SYNE1: variants seen among roughly 807,000 people sequenced by gnomAD.
SYNE1 encodes spectrin repeat containing nuclear envelope protein 1.
Under a neutral mutation model 1,111.0 loss-of-function variants are expected in SYNE1, and 616 were observed. The ratio of observed to expected loss-of-function variants is 0.55; its 90% CI spans 0.52 to 0.59. The LOEUF is 0.59. SYNE1 is among the 20% of genes least tolerant of loss of function. The pLI is 0.00. For synonymous variants in SYNE1, 3,855 were observed against 3,825.8 expected (o/e 1.01, Z -0.28); for missense variants, 10,006 against 10,417.0 (o/e 0.96, Z 1.72).
In SYNE1 at chr6:152,299,450, T is replaced by C. The variant is rs150220875; in HGVS notation, c.17682+1191A>G. Among the ~76,000 whole-genome samples, 36 of 152,320 alleles carry C rather than the reference T, an allele frequency of 2.4e-4. 1 individual carries two copies. The East Asian group carries it at 6.7e-3, about 29-fold the overall frequency. ...CTGTTTTTAGTTTCCTCTGATCACATTGTTATTATCTGTCCCATGTCTGCC... is the reference window on the plus strand; with the variant it reads ...CTGTTTTTAGTTTCCTCTGATCACACTGTTATTATCTGTCCCATGTCTGCC... On this transcript the variant is annotated intron_variant, in intron 93 of 145. Coordinates refer to ENST00000367255, the MANE Select transcript of SYNE1 (RefSeq NM_182961.4).
intron 128 of SYNE1, among the ~76,000 whole-genome samples, chr6:152,187,874 C>A (rs2635432): frequency 0.39 from 59,626 of 151,576 alleles, 11,909 homozygotes; most frequent in African/African-American, 0.47. Flanking sequence ...TACAGGCACC[C>A]GCCACCATCC....
chr6:152,581,954 A>T (rs911982319), intron 3 of SYNE1, among the ~76,000 whole-genome samples: 4 of 152,132 alleles, frequency 2.6e-5, no homozygotes, highest in African/African-American at 9.7e-5. Context: ...CCACCTTAAA[A>T]TGGGTTACCA....
chr6:152,221,663 T>C (rs2153466254), intron 117 of SYNE1, 104 bp from the exon 118 acceptor site: 3 of 1,437,946 alleles, frequency 2.1e-6, no homozygotes, highest in Middle Eastern at 1.8e-4. Context: ...TACATATACT[T>C]GTATAAACCA....
At chr6:152,431,073 T>C (rs2098424223) in intron 34 of SYNE1, among the ~76,000 whole-genome samples, 1 of 152,230 alleles carries the variant, frequency 6.6e-6, no homozygotes, top group African/African-American at 2.4e-5. Context: ...GGGGAAGCAT[T>C]GTGTTTCAGT....
rs1221150819 is a variant in SYNE1 at position 152,323,497 on chromosome 6, T to A, written c.15898A>T (p.Met5300Leu). The change falls in exon 82 of 146, where the codon ATG (methionine) becomes TTG (leucine). Residue 5300 changes from methionine to leucine, a missense_variant. Met to Leu is a conservative substitution (Grantham distance 15). This residue lies in a region of SYNE1 where 4,955 missense variants were observed against 5,017.2 expected (regional missense o/e 0.99). Coordinates refer to ENST00000367255, the MANE Select transcript of SYNE1 (RefSeq NM_182961.4). ...AATTACTTCAGGCACCGATCTTGCA[T>A]GGCGGTGATTTCCTGCATGAGCGGA... Reference protein sequence around the residue: ...EPPLMQEITAMQDRCLNMQEK... With the variant: ...EPPLMQEITALQDRCLNMQEK... 1.2e-6 allele frequency: 2 copies of A among 1,614,042 alleles called. No homozygotes were observed. Among genetic ancestry groups the A allele is most frequent in the Non-Finnish European group, 1.7e-6 (2 of 1,180,040 alleles).
At chr6:152,583,855 C>T (rs1358159541) in intron 3 of SYNE1, among the ~76,000 whole-genome samples, 1 of 152,174 alleles carries the variant, frequency 6.6e-6, no homozygotes, top group Non-Finnish European at 1.5e-5. Flanking sequence ...AGTAAAAAAG[C>T]AGGGATGGAC....
intron 81 of SYNE1, 82 bp from the exon 82 acceptor site, chr6:152,323,819 T>A: frequency 6.7e-7 from 1 of 1,486,722 alleles, no homozygotes; most frequent in Non-Finnish European, 9.3e-7. Context: ...AGCCACACAC[T>A]AGTGTATGAA....
At position 152,550,535 on chromosome 6, in the gene SYNE1, G is replaced by A. The variant is rs1463322504; in HGVS notation, c.68-10514C>T. Among the ~76,000 whole-genome samples, 2 of 151,144 alleles carry A rather than the reference G, an allele frequency of 1.3e-5. 1 individual carries two copies. The highest frequency in any genetic ancestry group is 3.9e-4 in the East Asian group (2 of 5,178). Reference sequence around the variant, plus strand: ...CAATGTGGAAATGCTTTCATCTCACGAAGAATTTGTCATCTCGTATGTATG... The same window carrying A: ...CAATGTGGAAATGCTTTCATCTCACAAAGAATTTGTCATCTCGTATGTATG... On this transcript the variant is annotated intron_variant, in intron 3 of 145. Transcript: ENST00000367255.
chr6:152,524,475 T>A (rs2099154331), intron 5 of SYNE1, among the ~76,000 whole-genome samples: 1 of 152,112 alleles, frequency 6.6e-6, no homozygotes, highest in African/African-American at 2.4e-5. Flanking sequence ...AGGATATATC[T>A]AAATGGCCAG....
intron 117 of SYNE1, among the ~76,000 whole-genome samples, chr6:152,224,129 G>T (rs1010650485): frequency 2.0e-5 from 3 of 152,142 alleles, no homozygotes; most frequent in African/African-American, 7.2e-5. Context: ...GTTTTCTTTT[G>T]AACATTCCTT....
chr6:152,493,989 C>CT (rs1251471465), intron 11 of SYNE1, among the ~76,000 whole-genome samples: 1 of 152,180 alleles, frequency 6.6e-6, no homozygotes, highest in Non-Finnish European at 1.5e-5. Flanking sequence ...CATCCCAACC[C>CT]TTTTCATTAC....
chr6:152,198,331 G>C (rs1406273565), intron 127 of SYNE1, among the ~76,000 whole-genome samples: 1 of 152,160 alleles, frequency 6.6e-6, no homozygotes, highest in Non-Finnish European at 1.5e-5. Context: ...TCCAGATTAG[G>C]CTTTGGCTTA....
intron 34 of SYNE1, among the ~76,000 whole-genome samples, chr6:152,431,549 A>T (rs1012604414): frequency 6.6e-6 from 1 of 152,226 alleles, no homozygotes; most frequent in Non-Finnish European, 1.5e-5. Context: ...TCTCACAAAC[A>T]TAGAAGCTTG....
intron 126 of SYNE1, among the ~76,000 whole-genome samples, chr6:152,203,102 AG>A (rs1302005118): frequency 2.0e-5 from 3 of 152,212 alleles, no homozygotes; most frequent in African/African-American, 4.8e-5. Flanking sequence ...ATGTTTTGAA[AG>A]GTTACACAGC....
Position 152,407,172 on chromosome 6 carries a change from T to G in SYNE1, c.6565A>C (p.Met2189Leu). Residue 2189 changes from methionine (M) to leucine (L), a missense_variant, in exon 45 of 146, where the codon ATG (methionine) becomes CTG (leucine). Transcript: ENST00000367255. Reference protein sequence around the residue: ...LDVSEKLEENMDRLRVSLSIW... With the variant: ...LDVSEKLEENLDRLRVSLSIW... ...GACAGGCTTACTCTCAGCCTATCCA[T>G]GTTTTCTTCAAGTTTCTCTGATACC... 6.2e-7 allele frequency: 1 copy of G among 1,614,094 alleles called. No individual in the cohort carries two copies. The highest frequency in any genetic ancestry group is 1.1e-5 in the South Asian group (1 of 91,080).
chr6:152,293,488 A>C (rs1401359336), intron 95 of SYNE1, 100 bp downstream of exon 95: 1 of 1,415,676 alleles, frequency 7.1e-7, no homozygotes, highest in East Asian at 2.3e-5. Flanking sequence ...AAATTTTTAA[A>C]AAGTCACCTG....
rs931699788 is a variant in SYNE1 at position 152,330,124 on chromosome 6, G to A, written c.14561C>T (p.Ala4854Val). The A allele has an allele frequency of 1.9e-6, 3 of 1,614,164 alleles. No homozygotes were observed. The Admixed American group carries it at 5.0e-5, about 27-fold the overall frequency. The part of the protein sequence containing the change: ...PHLDPLAYEK[A>V]RHQIQSWQGE... ...TTGCCAGGACTGGATCTGATGCCTG[G>A]CTTTCTCATAAGCCAAGGGGTCAAG... The change falls in exon 78 of 146, where the codon GCC becomes GTC. Residue 4854 changes from alanine to valine, a missense_variant. Ala to Val is a moderately conservative substitution (Grantham distance 64). Coordinates refer to ENST00000367255, the MANE Select transcript of SYNE1 (RefSeq NM_182961.4).
At chr6:152,521,368 C>G (rs1426414709) in intron 5 of SYNE1, among the ~76,000 whole-genome samples, 1 of 152,044 alleles carries the variant, frequency 6.6e-6, no homozygotes, top group Non-Finnish European at 1.5e-5. Context: ...GGACATGTAC[C>G]TGAGAGTAGA....
At chr6:152,302,229 A>G (rs1382880250) in intron 91 of SYNE1, 166 bp from the exon 92 acceptor site, 1 of 910,432 alleles carries the variant, frequency 1.1e-6, no homozygotes, top group African/African-American at 1.6e-5. Context: ...CTACCGAGCC[A>G]GACCGCAGGC....
Sources: gnomAD v4.1 joint callset for allele counts (sites outside exome capture counted in the v4.1 genomes callset) on GRCh38, gnomAD v4.1.1 for gene constraint, gnomAD v4.1.1 regional missense constraint, MANE v1.5 for transcripts, NCBI Gene and HGNC (gene_info 2026-07-23, HGNC 2026-07-21) for gene names.